The following ECE1 variants were observed in gnomAD, a reference collection of about 807,000 sequenced individuals.
ECE1 encodes the protein endothelin-converting enzyme 1.
Under a neutral mutation model 98.6 loss-of-function variants are expected in ECE1, and 35 were observed. The observed-to-expected ratio is 0.35, with a 90% confidence interval of 0.27 to 0.47. The LOEUF (loss-of-function observed/expected upper bound fraction) is 0.47. Ranked by LOEUF, ECE1 falls within the 20% of genes least tolerant of loss-of-function variation. The probability of loss-of-function intolerance (pLI) is 1.00; values close to 1 mark genes in which losing one functional copy is unlikely to be tolerated. For missense variants in ECE1, 814 were observed against 1,025.3 expected (o/e 0.79, Z 2.81); for synonymous variants, 394 against 407.1 (o/e 0.97, Z 0.39).
chr1:21,220,095 C>T lies in ECE1; in HGVS notation c.2173G>A (p.Glu725Lys), dbSNP rs754109847. 2.5e-6 allele frequency: 4 copies of T among 1,613,948 alleles called. No homozygotes were observed. The highest frequency in any genetic ancestry group is 2.2e-5 in the South Asian group (2 of 91,080). The change falls in exon 19 of 19, where the codon GAA becomes AAA. Residue 725 changes from glutamate to lysine, a missense_variant. By Grantham distance (56) the Glu-to-Lys change is moderately conservative (BLOSUM62 1). Coordinates refer to ENST00000374893, the MANE Select transcript of ECE1 (RefSeq NM_001397.3). The surrounding 1 kb of genome is among the most constrained non-coding windows in gnomAD (Gnocchi z 5.0). ...CSVRTPESSH[E>K]GLITDPHSPS... ...CTGTGGGGATCGGTGATGAGGCCTT[C>T]GTGGGAGCTCTCAGGTGTGCGGACG...
intron 3 of ECE1, among the ~76,000 whole-genome samples, chr1:21,273,741 G>A (rs4654915): frequency 0.01 from 1,555 of 152,316 alleles, 15 homozygotes; most frequent in Middle Eastern, 0.017. Context: ...CTTAATCACA[G>A]CTACTTGGGA....
chr1:21,256,865 G>C (rs1405362491), intron 7 of ECE1: 1 of 157,812 alleles, frequency 6.3e-6, no homozygotes, highest in Admixed American at 5.9e-5. Context: ...CCAAACCACA[G>C]GCCCTGTGGG....
chr1:21,326,509 C>A (rs953785135), intron 1 of ECE1, among the ~76,000 whole-genome samples: 1 of 151,782 alleles, frequency 6.6e-6, no homozygotes, highest in Non-Finnish European at 1.5e-5. Flanking sequence ...GGTCCTAGAA[C>A]CTAGTGAGAA....
At chr1:21,244,538 G>A (rs2098200668) in intron 10 of ECE1, among the ~76,000 whole-genome samples, 1 of 152,172 alleles carries the variant, frequency 6.6e-6, no homozygotes, top group Non-Finnish European at 1.5e-5. Flanking sequence ...GACCCTCAGG[G>A]CTCCTGGCAG....
chr1:21,308,406 A>G (rs550817314), intron 1 of ECE1, among the ~76,000 whole-genome samples: 8 of 151,934 alleles, frequency 5.3e-5, no homozygotes, highest in African/African-American at 1.4e-4. Flanking sequence ...ACGGCAAAGC[A>G]CTCTCTATTT....
chr1:21,297,843 T>C (rs1638400109), intron 1 of ECE1, among the ~76,000 whole-genome samples: 1 of 141,618 alleles, frequency 7.1e-6, no homozygotes, highest in African/African-American at 2.6e-5. Flanking sequence ...GTTGTTGTTG[T>C]TTTTTTTTTT....
intron 10 of ECE1, among the ~76,000 whole-genome samples, chr1:21,241,202 A>C (rs1194178536): frequency 6.6e-6 from 1 of 151,512 alleles, no homozygotes; most frequent in African/African-American, 2.4e-5. Flanking sequence ...ACCCCCGGTA[A>C]TTTTTGTATT....
At chr1:21,268,588 G>A (rs145494162) in intron 4 of ECE1, among the ~76,000 whole-genome samples, 73 of 152,326 alleles carry the variant, frequency 4.8e-4, no homozygotes, top group Middle Eastern at 3.4e-3. Context: ...CTATCTTGCC[G>A]GATCGGCTGA....
intron 17 of ECE1, among the ~76,000 whole-genome samples, chr1:21,224,361 G>A (rs1296747407): frequency 1.3e-5 from 2 of 152,040 alleles, no homozygotes; most frequent in Non-Finnish European, 2.9e-5. Flanking sequence ...TCCCCTTCCA[G>A]CCTCCACTAA....
intron 1 of ECE1, among the ~76,000 whole-genome samples, chr1:21,333,833 C>CAA (rs750240985): frequency 4.3e-5 from 6 of 139,516 alleles, no homozygotes; most frequent in African/African-American, 1.6e-4. Context: ...GACTCCGTCT[C>CAA]AAAAAAAAAA....
chr1:21,227,026 AT>A (rs199661411), intron 16 of ECE1, 132 bp downstream of exon 16: 5,200 of 746,700 alleles, frequency 7.0e-3, no homozygotes, highest in Middle Eastern at 8.6e-3. Flanking sequence ...GCACAGCCTA[AT>A]TTTTTTTTTA....
intron 8 of ECE1, among the ~76,000 whole-genome samples, chr1:21,255,064 A>G (rs1349799494): frequency 6.6e-6 from 1 of 152,226 alleles, no homozygotes; most frequent in East Asian, 1.9e-4. Flanking sequence ...ATGAAGCGCA[A>G]GGTCCCAAGA....
intron 1 of ECE1, among the ~76,000 whole-genome samples, chr1:21,331,779 CAT>C (rs1306840613): frequency 6.6e-6 from 1 of 152,044 alleles, no homozygotes; most frequent in Non-Finnish European, 1.5e-5. Context: ...AAATTTATAA[CAT>C]AAAATATTTA....
At position 21,218,382 on chromosome 1, in the gene ECE1, T is replaced by C. The variant is rs2098163425; in HGVS notation, c.*1573A>G. On this transcript the variant is annotated 3_prime_UTR_variant, in exon 19 of 19. Transcript: ENST00000374893. The surrounding 1 kb of genome is among the most constrained non-coding windows in gnomAD (Gnocchi z 4.0). ...ACCGGGGAAATGGGGCTATGGCCTGTGCTTCAGTCAGGACACCTGGGGGCT... is the reference window on the plus strand; with the variant it reads ...ACCGGGGAAATGGGGCTATGGCCTGCGCTTCAGTCAGGACACCTGGGGGCT... 1 of 152,358 alleles carries C rather than the reference T, an allele frequency of 6.6e-6. No individual in the cohort carries two copies. 9.4% of individuals were successfully genotyped at this position (152,358 alleles called of 1,614,324 possible).
At chr1:21,344,914 C>A (rs993810981) in intron 1 of ECE1, 3 of 153,640 alleles carry the variant, frequency 2.0e-5, no homozygotes, top group East Asian at 1.9e-4. Flanking sequence ...CCCACAGTGC[C>A]CCAAGGCGAG....
At chr1:21,333,529 G>A (rs1480161356) in intron 1 of ECE1, among the ~76,000 whole-genome samples, 1 of 152,212 alleles carries the variant, frequency 6.6e-6, no homozygotes, top group Admixed American at 6.5e-5. Flanking sequence ...TGCTTCAGGA[G>A]GTTAGGATGA....
chr1:21,295,931 C>T (rs1051559575), intron 1 of ECE1, among the ~76,000 whole-genome samples: 4 of 152,068 alleles, frequency 2.6e-5, no homozygotes, highest in Non-Finnish European at 5.9e-5. Flanking sequence ...TTGTAAATAC[C>T]GAGTAAGCTA....
At chr1:21,344,923 A>AC (rs1229288092) in intron 1 of ECE1, 1 of 153,462 alleles carries the variant, frequency 6.5e-6, no homozygotes, top group East Asian at 1.9e-4. Context: ...CCCCAAGGCG[A>AC]GCCCCAGACC....
At chr1:21,300,986 GCT>G (rs1477194503) in intron 1 of ECE1, among the ~76,000 whole-genome samples, 1 of 152,164 alleles carries the variant, frequency 6.6e-6, no homozygotes, top group Non-Finnish European at 1.5e-5. Context: ...TGGCAAACTT[GCT>G]CCCTAGCACT....
Sources: gnomAD v4.1 joint callset for allele counts (sites outside exome capture counted in the v4.1 genomes callset) on GRCh38, gnomAD v4.1.1 for gene constraint, Gnocchi (gnomAD v3.1) non-coding constraint, MANE v1.5 for transcripts, NCBI Gene and HGNC (gene_info 2026-07-23, HGNC 2026-07-21) for gene names.